The following ZC3H12C variants were observed in gnomAD, a reference collection of about 807,000 sequenced individuals.
ZC3H12C encodes the protein zinc finger CCCH-type containing 12C, also known as probable ribonuclease ZC3H12C.
In ZC3H12C, 20 loss-of-function variants were observed where a neutral mutation model predicts 76.3. The observed-to-expected ratio is 0.26, with a 90% CI of 0.18 to 0.38. ZC3H12C has a LOEUF of 0.38. Ranked by LOEUF, ZC3H12C falls within the 10% of genes least tolerant of loss-of-function variation. ZC3H12C has a pLI of 1.00. For missense variants in ZC3H12C, 874 were observed against 1,086.5 expected, an observed-to-expected ratio of 0.80 and a Z score of 2.75; for synonymous variants, 352 against 399.6, an observed-to-expected ratio of 0.88 and a Z score of 1.42.
At chr11:110,138,421 T>G (rs751919299) in intron 2 of ZC3H12C, among the ~76,000 whole-genome samples, 4 of 152,172 alleles carry the variant, frequency 2.6e-5, no homozygotes, top group Non-Finnish European at 4.4e-5. Flanking sequence ...TTAAATTTTC[T>G]AGTACCTACA....
chr11:110,159,998 C>T (rs1175516966), intron 4 of ZC3H12C, among the ~76,000 whole-genome samples: 1 of 152,254 alleles, frequency 6.6e-6, no homozygotes, highest in African/African-American at 2.4e-5. Flanking sequence ...GTACATATAG[C>T]CTGTTGCTTC....
intron 1 of ZC3H12C, among the ~76,000 whole-genome samples, chr11:110,098,627 G>A (rs1398997513): frequency 1.3e-5 from 2 of 152,176 alleles, no homozygotes; most frequent in Non-Finnish European, 2.9e-5. Flanking sequence ...CTTATAGACT[G>A]CATTTTTACT....
chr11:110,165,488 G>A lies in ZC3H12C; in HGVS notation c.2403G>A (p.Gln801=), dbSNP rs1405214013. Residue 801 remains glutamine (Q), a synonymous_variant, in exon 6 of 6, where the codon CAG becomes CAA. Coordinates refer to ENST00000278590, the MANE Select transcript of ZC3H12C (RefSeq NM_033390.2). ...ATTCCTTGCCCGATAACTCCACACAGCCGTGTTATGAGCAGTTCACCTTCC... is the reference window on the plus strand; with the variant it reads ...ATTCCTTGCCCGATAACTCCACACAACCGTGTTATGAGCAGTTCACCTTCC... ...QTYSLPDNST[Q]PCYEQFTFQS... is the part of the protein sequence containing the mutation. 6 of 1,613,868 alleles carry A rather than the reference G, an allele frequency of 3.7e-6. No homozygotes were observed. The Admixed American group carries it at 1.0e-4, about 27-fold the overall frequency.
At chr11:110,135,877 T>C (rs1861949928) in intron 1 of ZC3H12C, 1 of 152,192 alleles carries the variant, frequency 6.6e-6, no homozygotes, top group Non-Finnish European at 1.5e-5. Context: ...ATAAAACTTT[T>C]ACCTTTTCCT....
rs1017601319 is a variant in ZC3H12C, at chr11:110,170,937, A to G, written c.*5200A>G. On this transcript the variant is annotated 3_prime_UTR_variant, in exon 6 of 6. Transcript: ENST00000278590. ...TTGCAGTGTTACTGTTATGTATTAG[A>G]AGTGGCTTTTCCCCCTAAGATCCTT... The G allele has an allele frequency of 1.3e-5, 2 of 152,210 alleles. No individual in the cohort carries two copies. Among genetic ancestry groups the G allele is most frequent in the Non-Finnish European group, 2.9e-5 (2 of 68,032 alleles). The allele number at this position is 152,210 out of a possible 1,614,324, so 9.4% of individuals were successfully genotyped here. A position where few individuals can be genotyped will look rare whatever the true frequency, so the allele number is the denominator to read the frequency against.
intron 1 of ZC3H12C, among the ~76,000 whole-genome samples, chr11:110,098,238 G>A (rs983180817): frequency 1.3e-5 from 2 of 152,100 alleles, no homozygotes; most frequent in African/African-American, 4.8e-5. Flanking sequence ...TTTAAATGAA[G>A]TTTAAAAAGT....
intron 1 of ZC3H12C, among the ~76,000 whole-genome samples, chr11:110,128,100 A>G (rs1292319420): frequency 6.7e-6 from 1 of 150,334 alleles, no homozygotes; most frequent in Non-Finnish European, 1.5e-5. Context: ...AGATTTTAGT[A>G]TAATACTCCT....
At chr11:110,117,594 T>C (rs1861549947) in intron 1 of ZC3H12C, among the ~76,000 whole-genome samples, 1 of 148,942 alleles carries the variant, frequency 6.7e-6, no homozygotes, top group Non-Finnish European at 1.5e-5. Context: ...TTTTCAACAA[T>C]TGAGGAAACT....
intron 2 of ZC3H12C, among the ~76,000 whole-genome samples, chr11:110,144,519 A>T (rs1862126781): frequency 2.0e-5 from 3 of 152,220 alleles, no homozygotes; most frequent in Admixed American, 1.3e-4. Context: ...TTCAAGAGCC[A>T]TCTCTATTTG....
At position 110,132,311 on chromosome 11, in the gene ZC3H12C, T is replaced by G. The variant is rs150439910; in HGVS notation, c.22-4352T>G. Among the ~76,000 whole-genome samples the G allele has an allele frequency of 3.3e-5, 5 of 152,276 alleles. 1 individual carries two copies. Among genetic ancestry groups the G allele is most frequent in the African/African-American group, 1.2e-4 (5 of 41,572 alleles). On this transcript the variant is annotated intron_variant, in intron 1 of 5. Coordinates refer to ENST00000278590, the MANE Select transcript of ZC3H12C (RefSeq NM_033390.2). The stretch of plus-strand genomic sequence containing the variant: ...ACTTTCAGAAAATTTGGTCACTCGA[T>G]GGAGGAATTTCAGTGTGTGCAATAA...
intron 1 of ZC3H12C, among the ~76,000 whole-genome samples, chr11:110,109,201 T>G (rs773638231): frequency 6.6e-6 from 1 of 152,192 alleles, no homozygotes; most frequent in Non-Finnish European, 1.5e-5. Context: ...CTAAGAAACA[T>G]AGGAATTGTT....
At chr11:110,111,201 G>C (rs1861421410) in intron 1 of ZC3H12C, among the ~76,000 whole-genome samples, 3 of 152,092 alleles carry the variant, frequency 2.0e-5, no homozygotes, top group Non-Finnish European at 4.4e-5. Flanking sequence ...CACGATAACA[G>C]GTAGATCATA....
intron 2 of ZC3H12C, among the ~76,000 whole-genome samples, chr11:110,137,726 A>G (rs960812597): frequency 6.6e-6 from 1 of 152,226 alleles, no homozygotes. Flanking sequence ...TTTTAAATGA[A>G]TAATTTGATA....
intron 1 of ZC3H12C, among the ~76,000 whole-genome samples, chr11:110,117,048 C>A (rs1453842654): frequency 6.6e-6 from 1 of 152,224 alleles, no homozygotes; most frequent in Non-Finnish European, 1.5e-5. Flanking sequence ...TTTATAGGAA[C>A]AAGTGGTCCA....
chr11:110,142,001 C>T (rs1161382931), intron 2 of ZC3H12C, among the ~76,000 whole-genome samples: 1 of 152,126 alleles, frequency 6.6e-6, no homozygotes, highest in Admixed American at 6.5e-5. Flanking sequence ...CTAGAAGTAA[C>T]ATTCATTAAA....
intron 2 of ZC3H12C, 107 bp from the exon 3 acceptor site, chr11:110,152,812 C>T (rs17714368): frequency 0.039 from 49,435 of 1,262,040 alleles, 1,131 homozygotes; most frequent in Middle Eastern, 0.085. Flanking sequence ...ACTCTGACGT[C>T]TCTTATTACT....
intron 1 of ZC3H12C, among the ~76,000 whole-genome samples, chr11:110,133,391 G>A (rs1422388003): frequency 3.9e-5 from 6 of 152,194 alleles, no homozygotes; most frequent in Admixed American, 2.6e-4. Flanking sequence ...TTTAGTACAC[G>A]ATGACATTGG....
intron 5 of ZC3H12C, among the ~76,000 whole-genome samples, chr11:110,163,841 G>C (rs1862525482): frequency 6.6e-6 from 1 of 152,186 alleles, no homozygotes. Context: ...GCTCAAATCT[G>C]TAATCCCAGC....
At chr11:110,112,353 C>G (rs1341049674) in intron 1 of ZC3H12C, among the ~76,000 whole-genome samples, 4 of 152,084 alleles carry the variant, frequency 2.6e-5, no homozygotes, top group African/African-American at 9.7e-5. Flanking sequence ...TGTGCACCAT[C>G]ACACCTGGCT....
Sources: allele counts gnomAD v4.1 joint callset (sites outside exome capture counted in the v4.1 genomes callset), GRCh38; gene constraint gnomAD v4.1.1; transcripts MANE v1.5; gene names NCBI Gene and HGNC (gene_info 2026-07-23, HGNC 2026-07-21).